DAAM1: variants seen among roughly 807,000 people sequenced by gnomAD.
The protein encoded by DAAM1 is dishevelled associated activator of morphogenesis 1.
Under a neutral mutation model 130.0 loss-of-function variants are expected in DAAM1, and 52 were observed. That is an observed-to-expected ratio of 0.40 (90% CI 0.32 to 0.50). The LOEUF (loss-of-function observed/expected upper bound fraction) is 0.50. Ranked by LOEUF, DAAM1 falls within the 20% of genes least tolerant of loss-of-function variation. The probability of loss-of-function intolerance (pLI) is 0.61; values close to 1 mark genes in which losing one functional copy is unlikely to be tolerated. For missense variants in DAAM1, 1,134 were observed against 1,303.8 expected (o/e 0.87, Z 2.01); for synonymous variants, 452 against 444.5 (o/e 1.02, Z -0.21).
intron 1 of DAAM1, among the ~76,000 whole-genome samples, chr14:59,196,559 C>T (rs1198447664): frequency 6.6e-6 from 1 of 152,084 alleles, no homozygotes; most frequent in African/African-American, 2.4e-5. Context: ...CTGGCTAACA[C>T]GGTGAAACCC....
intron 2 of DAAM1, among the ~76,000 whole-genome samples, chr14:59,281,885 G>T (rs1883238264): frequency 6.6e-6 from 1 of 151,992 alleles, no homozygotes; most frequent in Admixed American, 6.6e-5. Flanking sequence ...TGGAGGGGTA[G>T]GGATCTTATT....
intron 3 of DAAM1, among the ~76,000 whole-genome samples, chr14:59,310,975 AAAAC>A (rs1884568911): frequency 6.6e-6 from 1 of 151,858 alleles, no homozygotes; most frequent in Admixed American, 6.6e-5. Context: ...AAAAACAAAA[AAAAC>A]AAACAAAAAA....
intron 1 of DAAM1, among the ~76,000 whole-genome samples, chr14:59,196,744 AAAAAC>A (rs903305861): frequency 9.2e-5 from 14 of 152,032 alleles, no homozygotes; most frequent in African/African-American, 1.7e-4. Context: ...TTCTGTCTCA[AAAAAC>A]AAAACAAAAC....
At chr14:59,291,105 T>C (rs1468293183) in intron 2 of DAAM1, 112 bp from the exon 3 acceptor site, 2 of 846,206 alleles carry the variant, frequency 2.4e-6, no homozygotes, top group South Asian at 1.7e-5. Context: ...TTCAAGTTCA[T>C]TTAAATATGT....
At chr14:59,276,430 T>C (rs1185601774) in intron 2 of DAAM1, among the ~76,000 whole-genome samples, 3 of 152,300 alleles carry the variant, frequency 2.0e-5, no homozygotes, top group African/African-American at 7.2e-5. Context: ...CACCATGTCA[T>C]GTGACTTGAG....
intron 3 of DAAM1, among the ~76,000 whole-genome samples, chr14:59,303,129 G>A (rs1040071821): frequency 6.6e-6 from 1 of 152,138 alleles, no homozygotes; most frequent in African/African-American, 2.4e-5. Context: ...GTGACTGTGC[G>A]AGGCCCTTTG....
intron 3 of DAAM1, among the ~76,000 whole-genome samples, chr14:59,297,694 CAA>C (rs1183687615): frequency 1.3e-5 from 2 of 152,162 alleles, no homozygotes; most frequent in African/African-American, 2.4e-5. Context: ...GATATTTTGA[CAA>C]AGAGAGAGAC....
At chr14:59,330,284 T>A (rs1276093940) in intron 12 of DAAM1, among the ~76,000 whole-genome samples, 1 of 151,574 alleles carries the variant, frequency 6.6e-6, no homozygotes, top group East Asian at 1.9e-4. Flanking sequence ...TTCAGTCTCT[T>A]ACGTAGTTAA....
chr14:59,330,248 T>A (rs911473081), intron 12 of DAAM1, among the ~76,000 whole-genome samples: 6 of 151,356 alleles, frequency 4.0e-5, no homozygotes, highest in African/African-American at 1.5e-4. Flanking sequence ...GTTCTGTGTT[T>A]AGAACTGTGA....
At chr14:59,283,170 A>G (rs1883295379) in intron 2 of DAAM1, among the ~76,000 whole-genome samples, 1 of 152,186 alleles carries the variant, frequency 6.6e-6, no homozygotes. Context: ...ATGCACTCTT[A>G]ATAGTACAGT....
chr14:59,316,965 T>A (rs1322866044), intron 4 of DAAM1, among the ~76,000 whole-genome samples: 1 of 152,248 alleles, frequency 6.6e-6, no homozygotes, highest in African/African-American at 2.4e-5. Flanking sequence ...CTGCCTTGTC[T>A]GAAGTAGACC....
intron 2 of DAAM1, among the ~76,000 whole-genome samples, chr14:59,279,557 G>A (rs573293253): frequency 2.2e-4 from 34 of 152,220 alleles, no homozygotes; most frequent in Non-Finnish European, 4.4e-4. Context: ...TGTAACTAAA[G>A]AAATACTGTG....
chr14:59,355,477 T>C, intron 20 of DAAM1, 144 bp downstream of exon 20: 1 of 1,009,764 alleles, frequency 9.9e-7, no homozygotes, highest in Non-Finnish European at 1.4e-6. Context: ...TTCCCTTCTC[T>C]GACATTGACT....
intron 1 of DAAM1, among the ~76,000 whole-genome samples, chr14:59,240,518 T>C (rs1179598447): frequency 2.0e-5 from 3 of 152,168 alleles, no homozygotes; most frequent in Non-Finnish European, 4.4e-5. Flanking sequence ...TGAGGCCCAG[T>C]ATATCTAGTA....
chr14:59,271,354 A>G (rs920892247), intron 2 of DAAM1, among the ~76,000 whole-genome samples: 3 of 152,216 alleles, frequency 2.0e-5, no homozygotes, highest in African/African-American at 7.2e-5. Flanking sequence ...CTGTAGGATG[A>G]TAAGATTTAT....
intron 1 of DAAM1, among the ~76,000 whole-genome samples, chr14:59,259,211 GTGCCATGT>G (rs1266590840): frequency 1.2e-4 from 19 of 152,166 alleles, no homozygotes; most frequent in African/African-American, 3.6e-4. Context: ...TAAGTGACAT[GTGCCATGT>G]CACTTTTCCT....
chr14:59,297,806 T>C (rs61984460), intron 3 of DAAM1, among the ~76,000 whole-genome samples: 9,997 of 152,232 alleles, frequency 0.066, 421 homozygotes, highest in Non-Finnish European at 0.097. Flanking sequence ...AAATTAAATT[T>C]TATCATAGGT....
intron 6 of DAAM1, 120 bp downstream of exon 6, chr14:59,323,345 A>G: frequency 9.3e-7 from 1 of 1,079,086 alleles, no homozygotes; most frequent in Non-Finnish European, 1.3e-6. Context: ...GATTACTCAC[A>G]GTGTGACTTT....
At chr14:59,246,205 A>G (rs1007798615) in intron 1 of DAAM1, among the ~76,000 whole-genome samples, 1 of 152,144 alleles carries the variant, frequency 6.6e-6, no homozygotes, top group Non-Finnish European at 1.5e-5. Flanking sequence ...CCACTAAACA[A>G]AAATTCCCCA....
Sources: gnomAD v4.1 joint callset for allele counts (sites outside exome capture counted in the v4.1 genomes callset) on GRCh38, gnomAD v4.1.1 for gene constraint, MANE v1.5 for transcripts, NCBI Gene and HGNC (gene_info 2026-07-23, HGNC 2026-07-21) for gene names.